Variants in ST6GAL2 observed in about 807,000 individuals in gnomAD.
ST6GAL2 encodes the protein beta-galactoside alpha-2,6-sialyltransferase 2.
A neutral mutation model predicts 37.5 loss-of-function variants in ST6GAL2; 24 were observed. The ratio of observed to expected loss-of-function variants is 0.64; its 90% CI spans 0.46 to 0.90. ST6GAL2 has a LOEUF of 0.90. Ranked by LOEUF, ST6GAL2 falls within the 40% of genes least tolerant of loss-of-function variation. The pLI is 0.00. For missense variants in ST6GAL2, 715 were observed against 712.7 expected (o/e 1.00, Z -0.04); for synonymous variants, 306 against 295.1 (o/e 1.04, Z -0.38).
At chr2:106,829,995 G>A (rs1676353190) in intron 5 of ST6GAL2, 71 bp downstream of exon 5, 4 of 1,388,134 alleles carry the variant, frequency 2.9e-6, no homozygotes, top group Non-Finnish European at 3.1e-6. Flanking sequence ...TAACACGACT[G>A]TATATTTGTT....
chr2:106,869,527 G>C (rs990420193), intron 1 of ST6GAL2, among the ~76,000 whole-genome samples: 1 of 152,172 alleles, frequency 6.6e-6, no homozygotes, highest in African/African-American at 2.4e-5. Context: ...CTCCCACCCA[G>C]TCAGGGAGGG....
At position 106,843,748 on chromosome 2, in the gene ST6GAL2, C is replaced by T. The variant is rs758806051; in HGVS notation, c.230G>A (p.Arg77His). The T allele has an allele frequency of 1.2e-6, 2 of 1,611,234 alleles. No homozygotes were observed. Among genetic ancestry groups the T allele is most frequent in the African/African-American group, 1.3e-5 (1 of 74,844 alleles). ...TGGGTGGGCGCGGGGCAGCGCCTGG[C>T]GTGCGTCCAGGCCCCCAGGCGGGGA... ...EPSPPGGLDA[R>H]QALPRAHPAG... The change falls in exon 2 of 6, where the codon CGC becomes CAC. Residue 77 changes from arginine (R) to histidine (H), a missense_variant. Transcript: ENST00000409382.
At chr2:106,839,825 T>C (rs952374906) in intron 2 of ST6GAL2, among the ~76,000 whole-genome samples, 4 of 152,226 alleles carry the variant, frequency 2.6e-5, no homozygotes, top group African/African-American at 9.6e-5. Flanking sequence ...TTATTGCTTA[T>C]ATGCATGGAT....
intron 5 of ST6GAL2, among the ~76,000 whole-genome samples, chr2:106,820,500 A>G (rs988847620): frequency 6.6e-6 from 1 of 152,142 alleles, no homozygotes; most frequent in African/African-American, 2.4e-5. Context: ...TACTAGAGCT[A>G]AAGAGAGAGC....
intron 1 of ST6GAL2, among the ~76,000 whole-genome samples, chr2:106,849,952 G>A (rs1280973035): frequency 6.6e-6 from 1 of 152,158 alleles, no homozygotes; most frequent in Non-Finnish European, 1.5e-5. Context: ...TACAATGCCT[G>A]TCTCCCTAAA....
intron 5 of ST6GAL2, chr2:106,813,259 T>C: frequency 7.8e-7 from 1 of 1,287,506 alleles, no homozygotes; most frequent in East Asian, 3.1e-5. Flanking sequence ...AAATAAGTAT[T>C]AGTATTTTCT....
At chr2:106,837,323 G>A (rs1381150485) in intron 2 of ST6GAL2, among the ~76,000 whole-genome samples, 1 of 152,124 alleles carries the variant, frequency 6.6e-6, no homozygotes, top group Non-Finnish European at 1.5e-5. Flanking sequence ...GTATTCAAAG[G>A]TTGAGCTTTG....
intron 1 of ST6GAL2, among the ~76,000 whole-genome samples, chr2:106,861,392 T>C (rs778155485): frequency 1.3e-5 from 2 of 152,222 alleles, no homozygotes; most frequent in African/African-American, 4.8e-5. Flanking sequence ...TATCCCTTGA[T>C]GAGAATACCC....
intron 5 of ST6GAL2, chr2:106,824,863 C>T (rs1439712724): frequency 1.3e-5 from 2 of 152,170 alleles, no homozygotes; most frequent in East Asian, 3.9e-4. Context: ...AAATGCATAT[C>T]ACCTTGCTGG....
chr2:106,870,059 G>C (rs972143048), intron 1 of ST6GAL2, among the ~76,000 whole-genome samples: 2 of 152,208 alleles, frequency 1.3e-5, no homozygotes, highest in African/African-American at 4.8e-5. Context: ...GCCAGTGAGA[G>C]GAGGGTGGGA....
In ST6GAL2 at chr2:106,859,550, C is replaced by T. The variant is rs2104575636; in HGVS notation, c.-57-15516G>A. 2.0e-5 allele frequency among the ~76,000 whole-genome samples: 3 copies of T among 152,318 alleles called. No individual in the cohort carries two copies. The Middle Eastern group carries it at 0.01, about 518-fold the overall frequency. ...CCCGTAAATAGCATGGCCAGTCACT[C>T]AGTTGCCCAGGTCTAAAACTCTGGT... On this transcript the variant is annotated intron_variant, in intron 1 of 5. Coordinates refer to ENST00000409382, the MANE Select transcript of ST6GAL2 (RefSeq NM_001142351.2).
chr2:106,844,352 T>C (rs1316725203), intron 1 of ST6GAL2, among the ~76,000 whole-genome samples: 1 of 152,150 alleles, frequency 6.6e-6, no homozygotes, highest in Non-Finnish European at 1.5e-5. Flanking sequence ...CTTCCCACTT[T>C]GATAGACAGT....
chr2:106,834,838 T>A (rs1676569681), intron 2 of ST6GAL2: 1 of 152,322 alleles, frequency 6.6e-6, no homozygotes, highest in East Asian at 1.9e-4. Flanking sequence ...AGGGCTCTTA[T>A]GTTCTATAAC....
intron 1 of ST6GAL2, among the ~76,000 whole-genome samples, chr2:106,863,556 G>T (rs141391546): frequency 1.3e-3 from 202 of 152,238 alleles, no homozygotes; most frequent in Non-Finnish European, 2.3e-3. Flanking sequence ...TGATGAAGTG[G>T]CACCTGTAGA....
intron 4 of ST6GAL2, among the ~76,000 whole-genome samples, chr2:106,830,625 G>T (rs73949773): frequency 2.0e-5 from 3 of 152,176 alleles, no homozygotes; most frequent in Non-Finnish European, 2.9e-5. Context: ...CTGAATGGGC[G>T]TGCTGTGTTC....
At chr2:106,852,759 C>T (rs570579232) in intron 1 of ST6GAL2, among the ~76,000 whole-genome samples, 14 of 152,110 alleles carry the variant, frequency 9.2e-5, no homozygotes, top group Non-Finnish European at 1.6e-4. Context: ...CATGGTTAGG[C>T]TGTTGTAGGG....
At chr2:106,847,116 T>C (rs1677175893) in intron 1 of ST6GAL2, among the ~76,000 whole-genome samples, 1 of 152,240 alleles carries the variant, frequency 6.6e-6, no homozygotes, top group South Asian at 2.1e-4. Context: ...AAGGGTAATT[T>C]TTCCCCCAAA....
chr2:106,817,443 G>A (rs193214776), intron 5 of ST6GAL2, among the ~76,000 whole-genome samples: 1 of 152,310 alleles, frequency 6.6e-6, no homozygotes, highest in East Asian at 1.9e-4. Context: ...CCTAGCTCCT[G>A]GCTGACATTT....
At chr2:106,820,190 A>C (rs1558680801) in intron 5 of ST6GAL2, among the ~76,000 whole-genome samples, 1 of 152,090 alleles carries the variant, frequency 6.6e-6, no homozygotes, top group African/African-American at 2.4e-5. Context: ...AATGGATAAC[A>C]AAACAAGACC....
Sources: allele counts gnomAD v4.1 joint callset (sites outside exome capture counted in the v4.1 genomes callset), GRCh38; gene constraint gnomAD v4.1.1; transcripts MANE v1.5; gene names NCBI Gene and HGNC (gene_info 2026-07-23, HGNC 2026-07-21).